Variants in C1orf21 observed in about 807,000 individuals in gnomAD.
C1orf21 encodes the protein uncharacterized protein C1orf21.
A neutral mutation model predicts 18.7 loss-of-function variants in C1orf21; 3 were observed. The ratio of observed to expected loss-of-function variants is 0.16; its 90% CI spans 0.07 to 0.42. C1orf21 has a LOEUF of 0.42. Ranked by LOEUF, C1orf21 falls within the 10% of genes least tolerant of loss-of-function variation. C1orf21 has a pLI of 0.99. For missense variants in C1orf21, 104 were observed against 143.6 expected, an observed-to-expected ratio of 0.72 and a Z score of 1.41; for synonymous variants, 41 against 46.4, an observed-to-expected ratio of 0.88 and a Z score of 0.47.
intron 1 of C1orf21, among the ~76,000 whole-genome samples, chr1:184,398,914 T>C (rs940946830): frequency 3.3e-5 from 5 of 152,248 alleles, no homozygotes; most frequent in African/African-American, 1.2e-4. Flanking sequence ...TGGCTGTATG[T>C]ATTTCTAAAA....
chr1:184,487,283 C>T (rs759842259), intron 2 of C1orf21, among the ~76,000 whole-genome samples: 6 of 152,202 alleles, frequency 3.9e-5, no homozygotes, highest in South Asian at 2.1e-4. Flanking sequence ...GGCTGTCCTC[C>T]GTAGAGACTA....
intron 1 of C1orf21, among the ~76,000 whole-genome samples, chr1:184,470,430 C>G (rs1657478285): frequency 1.3e-5 from 2 of 152,192 alleles, no homozygotes; most frequent in African/African-American, 4.8e-5. Context: ...AAGGAAATCA[C>G]ATGGCTTTGT....
intron 1 of C1orf21, among the ~76,000 whole-genome samples, chr1:184,449,253 T>A (rs3930803): frequency 0.22 from 32,440 of 144,340 alleles, 3,979 homozygotes; most frequent in African/African-American, 0.33. Context: ...CCTGTGTCCA[T>A]GTGTTCTCAT....
At chr1:184,397,601 C>A (rs1308471587) in intron 1 of C1orf21, among the ~76,000 whole-genome samples, 1 of 147,050 alleles carries the variant, frequency 6.8e-6, no homozygotes, top group Non-Finnish European at 1.5e-5. Flanking sequence ...GAAAAAAAAA[C>A]AACTGTATGG....
chr1:184,420,235 C>T (rs1656524149), intron 1 of C1orf21, among the ~76,000 whole-genome samples: 1 of 151,156 alleles, frequency 6.6e-6, no homozygotes, highest in South Asian at 2.1e-4. Flanking sequence ...TTTTTTTTAA[C>T]TAACAGTGTG....
rs1659427594 is a variant in C1orf21 at position 184,590,923 on chromosome 1, T to A, written c.266+108T>A. On this transcript the variant is annotated intron_variant, in intron 4 of 5. Transcript: ENST00000235307. ...ATCAAAAATATTCAAAAAATAATAA[T>A]TCTACAAAGTTCCAAAAAACAAAAT... 2.7e-6 allele frequency: 3 copies of A among 1,131,926 alleles called. No individual in the cohort carries two copies. In the South Asian group the frequency reaches 4.3e-5, roughly 16 times the overall value. 70.1% of individuals were successfully genotyped at this position (1,131,926 alleles called of 1,614,324 possible).
intron 5 of C1orf21, among the ~76,000 whole-genome samples, chr1:184,605,351 CCT>C (rs1207840518): frequency 6.6e-6 from 1 of 152,144 alleles, no homozygotes; most frequent in Non-Finnish European, 1.5e-5. Flanking sequence ...CTGACAGCTC[CCT>C]AAGGATAAGA....
intron 1 of C1orf21, among the ~76,000 whole-genome samples, chr1:184,410,920 G>C (rs1008755981): frequency 2.0e-5 from 3 of 150,834 alleles, no homozygotes; most frequent in African/African-American, 7.3e-5. Flanking sequence ...CCAAACTGTT[G>C]GGGTTACAGG....
intron 2 of C1orf21, among the ~76,000 whole-genome samples, chr1:184,501,805 CT>C (rs774070350): frequency 6.6e-6 from 1 of 152,052 alleles, no homozygotes; most frequent in Non-Finnish European, 1.5e-5. Flanking sequence ...TTGCTCAGAC[CT>C]TTTTGGGCCA....
At chr1:184,452,901 C>T (rs1297018818) in intron 1 of C1orf21, among the ~76,000 whole-genome samples, 1 of 152,046 alleles carries the variant, frequency 6.6e-6, no homozygotes, top group African/African-American at 2.4e-5. Context: ...TTTGTTTCAT[C>T]TCTATTGTTT....
At chr1:184,598,538 C>A in intron 5 of C1orf21, 77 bp downstream of exon 5, 1 of 1,330,940 alleles carries the variant, frequency 7.5e-7, no homozygotes, top group Admixed American at 2.2e-5. Flanking sequence ...CAATAACATT[C>A]TTGTTTCTAT....
intron 1 of C1orf21, among the ~76,000 whole-genome samples, chr1:184,443,067 A>T (rs979341620): frequency 1.3e-5 from 2 of 152,234 alleles, no homozygotes; most frequent in Non-Finnish European, 2.9e-5. Flanking sequence ...AACGTGAAGA[A>T]AAGGTGACCA....
chr1:184,398,966 TATC>T (rs1395113590), intron 1 of C1orf21, among the ~76,000 whole-genome samples: 5 of 152,302 alleles, frequency 3.3e-5, no homozygotes, highest in African/African-American at 1.2e-4. Context: ...ATAATATTAT[TATC>T]ATGTCTAATT....
intron 2 of C1orf21, among the ~76,000 whole-genome samples, chr1:184,507,197 A>G (rs1405909280): frequency 1.3e-5 from 2 of 152,174 alleles, no homozygotes; most frequent in African/African-American, 4.8e-5. Context: ...ATTTTGGACT[A>G]ATACTCTCTT....
intron 3 of C1orf21, among the ~76,000 whole-genome samples, chr1:184,577,419 C>G (rs760747232): frequency 1.3e-5 from 2 of 151,922 alleles, no homozygotes; most frequent in African/African-American, 4.8e-5. Context: ...AGAAGTGTCA[C>G]GTCATAAATC....
rs962583700 is a variant in C1orf21, at chr1:184,394,384, G to A, written c.-125+7016G>A. On this transcript the variant is annotated intron_variant, in intron 1 of 5. Transcript: ENST00000235307. Reference sequence around the variant, plus strand: ...CTTATGGTTTTTCCCACCTGAACTGGGTGAGGAAAGGCGATTGAGAAGTTG... The same window carrying A: ...CTTATGGTTTTTCCCACCTGAACTGAGTGAGGAAAGGCGATTGAGAAGTTG... Among the ~76,000 whole-genome samples the A allele has an allele frequency of 2.6e-5, 4 of 152,164 alleles. No individual in the cohort carries two copies. The South Asian group carries it at 6.2e-4, about 24-fold the overall frequency.
chr1:184,497,029 G>A (rs1266063434), intron 2 of C1orf21, among the ~76,000 whole-genome samples: 1 of 152,314 alleles, frequency 6.6e-6, no homozygotes, highest in African/African-American at 2.4e-5. Flanking sequence ...CAGGCTCTCA[G>A]TACAGAGCCT....
chr1:184,526,954 C>T (rs1241612567), intron 3 of C1orf21, among the ~76,000 whole-genome samples: 1 of 152,158 alleles, frequency 6.6e-6, no homozygotes. Flanking sequence ...AGCCAGTAAG[C>T]AGGCAGTTTC....
At chr1:184,389,034 A>T (rs1265195251) in intron 1 of C1orf21, among the ~76,000 whole-genome samples, 1 of 152,222 alleles carries the variant, frequency 6.6e-6, no homozygotes, top group African/African-American at 2.4e-5. Flanking sequence ...CTACTTACAA[A>T]GTAGGAAGTA....
Sources: allele counts gnomAD v4.1 joint callset (sites outside exome capture counted in the v4.1 genomes callset), GRCh38; gene constraint gnomAD v4.1.1; transcripts MANE v1.5; gene names NCBI Gene and HGNC (gene_info 2026-07-23, HGNC 2026-07-21).